Variants in PDE9A observed in about 807,000 individuals in gnomAD.
PDE9A encodes phosphodiesterase 9A.
In PDE9A, 60 loss-of-function variants were observed where a neutral mutation model predicts 87.4. The observed-to-expected ratio is 0.69, with a 90% CI of 0.56 to 0.85. The LOEUF (loss-of-function observed/expected upper bound fraction) is 0.85. PDE9A is among the 40% of genes least tolerant of loss of function. The pLI, the probability that PDE9A is intolerant of heterozygous loss-of-function variation, is 0.00. For synonymous variants in PDE9A, 272 were observed against 279.4 expected, an observed-to-expected ratio of 0.97 and a Z score of 0.27; for missense variants, 665 against 779.0, an observed-to-expected ratio of 0.85 and a Z score of 1.74.
At chr21:42,741,150 A>T (rs1328017734) in intron 7 of PDE9A, 1 of 152,138 alleles carries the variant, frequency 6.6e-6, no homozygotes, top group East Asian at 1.9e-4. Context: ...TCTGCCACTG[A>T]TGTTGAATTG....
rs762813472 is a variant in PDE9A, at chr21:42,769,141, G to A, written c.1576G>A (p.Glu526Lys). The A allele has an allele frequency of 6.2e-7, 1 of 1,613,530 alleles. No homozygotes were observed. Among genetic ancestry groups the A allele is most frequent in the Non-Finnish European group, 8.5e-7 (1 of 1,179,654 alleles). Residue 526 changes from glutamate (E) to lysine (K), a missense_variant, in exon 17 of 20, where the codon GAA (glutamate) becomes AAA (lysine). Transcript: ENST00000291539. Reference protein sequence around the residue: ...FIKFVLIPMFETVTKLFPMVE... With the variant: ...FIKFVLIPMFKTVTKLFPMVE... ...CAAGTTTGTCCTGATCCCAATGTTT[G>A]AAACAGTGACCAAGGTGAGTAACTG...
intron 1 of PDE9A, 145 bp from the exon 2 acceptor site, chr21:42,686,047 C>G: frequency 1.6e-6 from 1 of 623,194 alleles, no homozygotes; most frequent in Non-Finnish European, 2.9e-6. Flanking sequence ...AAAGATGAGC[C>G]TGTGACATTC....
chr21:42,769,379 G>C lies in PDE9A; in HGVS notation c.1590+224G>C, dbSNP rs185866506. On this transcript the variant is annotated intron_variant, in intron 17 of 19. Coordinates refer to ENST00000291539, the MANE Select transcript of PDE9A (RefSeq NM_002606.3). Reference sequence around the variant, plus strand: ...CACAGGCACACACTTGTGCACACAGGTACACAGGCACACAAATGCACACAC... The same window carrying C: ...CACAGGCACACACTTGTGCACACAGCTACACAGGCACACAAATGCACACAC... Among the ~76,000 whole-genome samples the C allele has an allele frequency of 5.3e-5, 7 of 132,552 alleles. 1 individual carries two copies. In the East Asian group the frequency reaches 1.4e-3, roughly 26 times the overall value. 87.0% of individuals were successfully genotyped at this position (132,552 alleles called of 152,430 possible).
At chr21:42,670,224 TAC>T (rs1212096500) in intron 1 of PDE9A, among the ~76,000 whole-genome samples, 3 of 92,686 alleles carry the variant, frequency 3.2e-5, no homozygotes, top group Non-Finnish European at 5.9e-5. Context: ...TTCACACACA[TAC>T]ACTTACATTC....
At chr21:42,768,985 C>A in intron 16 of PDE9A, 42 bp from the exon 17 acceptor site, 2 of 1,578,946 alleles carry the variant, frequency 1.3e-6, no homozygotes, top group Non-Finnish European at 8.6e-7. Context: ...GGTTATGGGG[C>A]ATTTCTGTCT....
At chr21:42,764,786 T>C (rs147094909) in intron 14 of PDE9A, among the ~76,000 whole-genome samples, 2 of 152,292 alleles carry the variant, frequency 1.3e-5, no homozygotes, top group African/African-American at 2.4e-5. Context: ...AATAACACAA[T>C]TAAATGTTTA....
rs922608643 is a variant in PDE9A at position 42,660,728 on chromosome 21, G to A, written c.69+6845G>A. Among the ~76,000 whole-genome samples the A allele has an allele frequency of 6.6e-6, 1 of 152,074 alleles. No individual in the cohort carries two copies. The highest frequency in any genetic ancestry group is 1.5e-5 in the Non-Finnish European group (1 of 68,018). ...CGCATGCCTGTATTCCTGGCACTGC[G>A]GGCACAGTCATGCCATGGGCACCAG... On this transcript the variant is annotated intron_variant, in intron 1 of 19. Transcript: ENST00000291539. The surrounding 1 kb of genome is among the most constrained non-coding windows in gnomAD (Gnocchi z 4.7).
In PDE9A at chr21:42,733,220, C is replaced by T. The variant is rs192470974; in HGVS notation, c.498-136C>T. On this transcript the variant is annotated intron_variant, in intron 6 of 19. Transcript: ENST00000291539. The stretch of plus-strand genomic sequence containing the variant: ...AAAAGCAAGTCCTAGCATGTTGGCA[C>T]CTCAGACCCTCACCAGCCCACCTAG... 6 of 639,086 alleles carry T rather than the reference C, an allele frequency of 9.4e-6. No homozygotes were observed. The East Asian group carries it at 1.6e-4, about 17-fold the overall frequency. The allele number at this position is 639,086 out of a possible 1,614,324, so 39.6% of individuals were successfully genotyped here.
intron 1 of PDE9A, among the ~76,000 whole-genome samples, chr21:42,680,197 A>G (rs1190100778): frequency 2.0e-5 from 3 of 152,210 alleles, no homozygotes; most frequent in Non-Finnish European, 4.4e-5. Context: ...CCAGCCCGGC[A>G]CTAAACCCAT....
chr21:42,674,897 T>C (rs1601971817), intron 1 of PDE9A, among the ~76,000 whole-genome samples: 1 of 152,258 alleles, frequency 6.6e-6, no homozygotes, highest in East Asian at 1.9e-4. Flanking sequence ...GTAGGCTGGT[T>C]CTGTTATCAA....
intron 4 of PDE9A, among the ~76,000 whole-genome samples, chr21:42,726,034 A>G (rs2050997409): frequency 6.6e-6 from 1 of 152,088 alleles, no homozygotes; most frequent in Admixed American, 6.5e-5. Flanking sequence ...GTGGTGTCTC[A>G]CTGTGGTTGT....
chr21:42,704,545 A>G lies in PDE9A; in HGVS notation c.262+5534A>G, dbSNP rs1022962686. 1.3e-5 allele frequency among the ~76,000 whole-genome samples: 2 copies of G among 151,152 alleles called. No homozygotes were observed. Among genetic ancestry groups the G allele is most frequent in the Non-Finnish European group, 2.9e-5 (2 of 67,862 alleles). Reference sequence around the variant, plus strand: ...TCCTTAGGAATTCTTCACTCTCTCTATGGCAACAACCTTCCCTCTCCCGTC... The same window carrying G: ...TCCTTAGGAATTCTTCACTCTCTCTGTGGCAACAACCTTCCCTCTCCCGTC... On this transcript the variant is annotated intron_variant, in intron 4 of 19. Transcript: ENST00000291539. This position sits in a 1 kb window ranked among gnomAD's most constrained non-coding sequence, Gnocchi z 5.3.
intron 1 of PDE9A, among the ~76,000 whole-genome samples, chr21:42,655,444 G>A (rs2056987370): frequency 6.6e-6 from 1 of 152,166 alleles, no homozygotes; most frequent in Non-Finnish European, 1.5e-5. Context: ...AGGCCAGGCT[G>A]TTATTGTGGG....
rs1326941503 is a variant in PDE9A at position 42,722,960 on chromosome 21, G to A, written c.263-8810G>A. On this transcript the variant is annotated intron_variant, in intron 4 of 19. Coordinates refer to ENST00000291539, the MANE Select transcript of PDE9A (RefSeq NM_002606.3). This position sits in a 1 kb window ranked among gnomAD's most constrained non-coding sequence, Gnocchi z 4.1. ...GCTTGAACTATCCACTCAGACCAAG[G>A]AGGAGTCAGGCAATGGCTTCTGGGC... 3.9e-5 allele frequency among the ~76,000 whole-genome samples: 6 copies of A among 152,246 alleles called. No individual in the cohort carries two copies. Among genetic ancestry groups the A allele is most frequent in the Non-Finnish European group, 8.8e-5 (6 of 68,036 alleles).
intron 1 of PDE9A, 54 bp downstream of exon 1, chr21:42,653,937 G>C: frequency 9.0e-7 from 1 of 1,106,074 alleles, no homozygotes; most frequent in South Asian, 1.4e-5. Flanking sequence ...ACAGCGCCGG[G>C]GCCGGGCGCG....
At chr21:42,655,330 G>A (rs745490087) in intron 1 of PDE9A, among the ~76,000 whole-genome samples, 4 of 152,200 alleles carry the variant, frequency 2.6e-5, no homozygotes, top group Admixed American at 6.5e-5. Context: ...TAGCAGGTCC[G>A]TCCTAAGAAC....
At chr21:42,712,719 C>T (rs2146479286) in intron 4 of PDE9A, among the ~76,000 whole-genome samples, 1 of 152,234 alleles carries the variant, frequency 6.6e-6, no homozygotes, top group Admixed American at 6.5e-5. Flanking sequence ...TTTTTTGTCT[C>T]ATGTTCTTTG....
At chr21:42,673,052 C>T (rs1178026329) in intron 1 of PDE9A, among the ~76,000 whole-genome samples, 6 of 152,176 alleles carry the variant, frequency 3.9e-5, no homozygotes, top group Admixed American at 2.0e-4. Flanking sequence ...ACGGCTGCCA[C>T]TCAACGGAGT....
chr21:42,698,946 G>T, intron 3 of PDE9A, 22 bp from the exon 4 acceptor site: 1 of 1,603,274 alleles, frequency 6.2e-7, no homozygotes, highest in Non-Finnish European at 8.5e-7. Context: ...GTCTCACAGC[G>T]GCACTGTCTT....
Sources: allele counts gnomAD v4.1 joint callset (sites outside exome capture counted in the v4.1 genomes callset), GRCh38; gene constraint gnomAD v4.1.1; non-coding constraint Gnocchi (gnomAD v3.1); transcripts MANE v1.5; gene names NCBI Gene and HGNC (gene_info 2026-07-23, HGNC 2026-07-21).